ARHGAP32: variants seen among roughly 807,000 people sequenced by gnomAD.
The protein encoded by ARHGAP32 is rho GTPase-activating protein 32.
In ARHGAP32, 51 loss-of-function variants were observed where a neutral mutation model predicts 186.5. That is an observed-to-expected ratio of 0.27 (90% CI 0.22 to 0.35). The LOEUF is 0.35. Ranked by LOEUF, ARHGAP32 falls within the 10% of genes least tolerant of loss-of-function variation. The pLI, the probability that ARHGAP32 is intolerant of heterozygous loss-of-function variation, is 1.00. For synonymous variants in ARHGAP32, 950 were observed against 964.3 expected (o/e 0.99, Z 0.27); for missense variants, 2,186 against 2,623.5 (o/e 0.83, Z 3.64).
At chr11:129,254,811 C>A (rs911765822) in intron 1 of ARHGAP32, among the ~76,000 whole-genome samples, 8 of 152,100 alleles carry the variant, frequency 5.3e-5, no homozygotes, top group African/African-American at 1.9e-4. Flanking sequence ...AGATATTTTA[C>A]TACTGAACAC....
chr11:129,238,282 A>G (rs1944963932), intron 1 of ARHGAP32, among the ~76,000 whole-genome samples: 1 of 152,318 alleles, frequency 6.6e-6, no homozygotes, highest in South Asian at 2.1e-4. Flanking sequence ...ATACCCTCCC[A>G]GGAATAATTC....
Position 128,986,067 on chromosome 11 carries a change from T to C in ARHGAP32, c.1462A>G (p.Thr488Ala). ...ATTTTTATCAGCCTTTCTTCATCTG[T>C]TGCTGCTGAAACTGCATCCTAGAAG... ...EKFSDAVSAATDEERLIKIHD... is the reference protein window; with the variant it reads ...EKFSDAVSAAADEERLIKIHD... The change falls in exon 15 of 23, where the codon ACA becomes GCA. Residue 488 changes from threonine to alanine, a missense_variant. This residue lies in a region of ARHGAP32 where 308 missense variants were observed against 596.5 expected (regional missense o/e 0.52). Transcript: ENST00000682385. 1 of 1,607,090 alleles carries C rather than the reference T, an allele frequency of 6.2e-7. No individual in the cohort carries two copies. Among genetic ancestry groups the C allele is most frequent in the Non-Finnish European group, 8.5e-7 (1 of 1,177,900 alleles).
chr11:129,230,396 ATT>A (rs1217175183), intron 1 of ARHGAP32, among the ~76,000 whole-genome samples: 5 of 152,160 alleles, frequency 3.3e-5, no homozygotes, highest in South Asian at 4.1e-4. Flanking sequence ...GTCAGGAAGC[ATT>A]TGTCTTTCCT....
At chr11:129,000,180 A>T (rs909800492) in intron 11 of ARHGAP32, among the ~76,000 whole-genome samples, 1 of 152,186 alleles carries the variant, frequency 6.6e-6, no homozygotes, top group Admixed American at 6.5e-5. Context: ...ATAATATACT[A>T]AGTACATCAT....
intron 1 of ARHGAP32, among the ~76,000 whole-genome samples, chr11:129,243,971 T>G (rs1234528719): frequency 6.6e-6 from 1 of 152,214 alleles, no homozygotes; most frequent in Non-Finnish European, 1.5e-5. Flanking sequence ...AAGTTCCTTG[T>G]GAACAAGTAC....
rs2136045155 is a variant in ARHGAP32, at chr11:128,965,528, C to CT, written c.*3378dup. The CT allele has an allele frequency of 6.6e-6, 1 of 152,282 alleles. No homozygotes were observed. Among genetic ancestry groups the CT allele is most frequent in the South Asian group, 2.1e-4 (1 of 4,830 alleles). 9.4% of individuals were successfully genotyped at this position (152,282 alleles called of 1,614,324 possible). A position where few individuals can be genotyped will look rare whatever the true frequency, so the allele number is the denominator to read the frequency against. ...TTTTATTCTTTGAACATTAACAGTA[C>CT]TAATCAGATAAGGAAAAAAGACCCT... On this transcript the variant is annotated 3_prime_UTR_variant, in exon 23 of 23. Coordinates refer to ENST00000682385, the MANE Select transcript of ARHGAP32 (RefSeq NM_001378024.1).
At chr11:129,062,443 G>A in intron 9 of ARHGAP32, 86 bp from the exon 10 acceptor site, 1 of 1,159,736 alleles carries the variant, frequency 8.6e-7, no homozygotes, top group Non-Finnish European at 1.3e-6. Context: ...CGAACTGTAT[G>A]AAAAGGTAAA....
chr11:129,152,051 C>A (rs561460751), intron 2 of ARHGAP32, among the ~76,000 whole-genome samples: 18 of 152,134 alleles, frequency 1.2e-4, no homozygotes, highest in African/African-American at 4.3e-4. Flanking sequence ...CAACTGATAA[C>A]ACAGAAATAC....
chr11:129,133,016 T>C (rs1942848241), intron 2 of ARHGAP32, among the ~76,000 whole-genome samples: 1 of 152,178 alleles, frequency 6.6e-6, no homozygotes, highest in African/African-American at 2.4e-5. Flanking sequence ...TGGTTCACGA[T>C]TCCACAGGCT....
intron 18 of ARHGAP32, 82 bp from the exon 19 acceptor site, chr11:128,978,997 A>G: frequency 7.7e-7 from 1 of 1,291,942 alleles, no homozygotes; most frequent in Non-Finnish European, 1.1e-6. Context: ...CACATGACAG[A>G]AAGAACCAAA....
At chr11:129,035,986 A>G (rs1735577282) in intron 11 of ARHGAP32, among the ~76,000 whole-genome samples, 1 of 152,246 alleles carries the variant, frequency 6.6e-6, no homozygotes, top group African/African-American at 2.4e-5. Context: ...GTCTACAAAT[A>G]CAAACCTGTT....
intron 1 of ARHGAP32, among the ~76,000 whole-genome samples, chr11:129,177,274 C>G (rs926699468): frequency 1.3e-5 from 2 of 152,060 alleles, no homozygotes. Flanking sequence ...ATAACAGGAG[C>G]TGAAATTGTG....
intron 2 of ARHGAP32, among the ~76,000 whole-genome samples, chr11:129,139,982 A>G (rs928148161): frequency 6.6e-6 from 1 of 152,184 alleles, no homozygotes; most frequent in Non-Finnish European, 1.5e-5. Flanking sequence ...CTGAGAATAG[A>G]GGGTGCAAAT....
chr11:129,108,556 C>T lies in ARHGAP32; in HGVS notation c.445-14849G>A, dbSNP rs534291440. Among the ~76,000 whole-genome samples the T allele has an allele frequency of 7.9e-5, 12 of 152,186 alleles. No individual in the cohort carries two copies. In the South Asian group the frequency reaches 1.2e-3, roughly 16 times the overall value. On this transcript the variant is annotated intron_variant, in intron 5 of 22. Transcript: ENST00000682385. ...ACTAGTTGAGTTCAATATGACCTTT[C>T]GATAATGTATAGGCTAGAATATTTT... is the stretch of plus-strand genomic sequence containing the variant.
chr11:129,234,626 A>G (rs890087046), intron 1 of ARHGAP32, among the ~76,000 whole-genome samples: 2 of 152,078 alleles, frequency 1.3e-5, no homozygotes, highest in African/African-American at 4.8e-5. Flanking sequence ...TTTCCCAAAG[A>G]TCTCCCTACT....
chr11:128,977,843 A>C (rs1945590534), intron 19 of ARHGAP32, among the ~76,000 whole-genome samples: 1 of 134,406 alleles, frequency 7.4e-6, no homozygotes. Context: ...AGCCTCGCTT[A>C]TTTGCAATTT....
chr11:129,245,612 ATAAAT>A (rs1945082529), intron 1 of ARHGAP32, among the ~76,000 whole-genome samples: 2 of 150,330 alleles, frequency 1.3e-5, no homozygotes, highest in South Asian at 4.2e-4. Context: ...AAATAAATAA[ATAAAT>A]AAATAAATAA....
At chr11:129,139,506 AT>A (rs1414233458) in intron 2 of ARHGAP32, among the ~76,000 whole-genome samples, 2 of 152,168 alleles carry the variant, frequency 1.3e-5, no homozygotes, top group Non-Finnish European at 2.9e-5. Flanking sequence ...CTGATCTTGA[AT>A]TGTAACTCCC....
intron 5 of ARHGAP32, among the ~76,000 whole-genome samples, chr11:129,109,405 G>A (rs927810036): frequency 6.6e-6 from 1 of 151,902 alleles, no homozygotes; most frequent in African/African-American, 2.4e-5. Context: ...GTATCAATCC[G>A]ATACACTGAT....
Sources: gnomAD v4.1 joint callset for allele counts (sites outside exome capture counted in the v4.1 genomes callset) on GRCh38, gnomAD v4.1.1 for gene constraint, gnomAD v4.1.1 regional missense constraint, MANE v1.5 for transcripts, NCBI Gene and HGNC (gene_info 2026-07-23, HGNC 2026-07-21) for gene names.